Variants in MERTK observed in about 807,000 individuals in gnomAD.
The protein encoded by MERTK is tyrosine-protein kinase Mer.
Under a neutral mutation model 99.3 loss-of-function variants are expected in MERTK, and 69 were observed. That is an observed-to-expected ratio of 0.70 (90% CI 0.57 to 0.85). MERTK has a LOEUF of 0.85. Among genes scored for constraint, MERTK ranks in the 40% least tolerant of loss-of-function variants. The pLI, the probability that MERTK is intolerant of heterozygous loss-of-function variation, is 0.00. For synonymous variants in MERTK, 426 were observed against 467.6 expected (o/e 0.91, Z 1.15); for missense variants, 1,125 against 1,249.4 (o/e 0.90, Z 1.50).
At chr2:111,937,514 C>T (rs1197199529) in intron 2 of MERTK, among the ~76,000 whole-genome samples, 1 of 152,144 alleles carries the variant, frequency 6.6e-6, no homozygotes, top group African/African-American at 2.4e-5. Flanking sequence ...GGGCCCCCAT[C>T]TCCATGCATC....
At chr2:111,954,627 G>A (rs993937641) in intron 4 of MERTK, among the ~76,000 whole-genome samples, 2 of 152,182 alleles carry the variant, frequency 1.3e-5, no homozygotes, top group Non-Finnish European at 2.9e-5. Context: ...TGATAATGAA[G>A]TAACTTGTAT....
At position 111,954,622 on chromosome 2, in the gene MERTK, A is replaced by G. The variant is rs144415541; in HGVS notation, c.757+7055A>G. On this transcript the variant is annotated intron_variant, in intron 4 of 18. Coordinates refer to ENST00000295408, the MANE Select transcript of MERTK (RefSeq NM_006343.3). ...ACTGGGACAAAGGGACATCATGATA[A>G]TGAAGTAACTTGTATTTATAAAATT... Among the ~76,000 whole-genome samples the G allele has an allele frequency of 2.3e-3, 346 of 152,348 alleles. 2 individuals are homozygous for G. Among genetic ancestry groups the G allele is most frequent in the African/African-American group, 8.1e-3 (335 of 41,562 alleles).
chr2:112,002,240 C>A (rs2104406034), intron 11 of MERTK, among the ~76,000 whole-genome samples: 1 of 152,084 alleles, frequency 6.6e-6, no homozygotes, highest in South Asian at 2.1e-4. Context: ...ATAGAAAAAT[C>A]TTTTTCTCCA....
At chr2:111,979,205 C>T (rs1283898127) in intron 7 of MERTK, among the ~76,000 whole-genome samples, 2 of 152,074 alleles carry the variant, frequency 1.3e-5, no homozygotes. Flanking sequence ...AAAATGTATA[C>T]ATAAAAAGTA....
chr2:111,997,174 A>G (rs773044071), intron 9 of MERTK, 149 bp from the exon 10 acceptor site: 1 of 922,454 alleles, frequency 1.1e-6, no homozygotes, highest in Non-Finnish European at 1.8e-6. Context: ...GCATGGTCTC[A>G]GCTTACACAA....
chr2:111,975,279 C>A lies in MERTK; in HGVS notation c.961-10C>A. 1 of 1,614,128 alleles carries A rather than the reference C, an allele frequency of 6.2e-7. No homozygotes were observed. Among genetic ancestry groups the A allele is most frequent in the South Asian group, 1.1e-5 (1 of 91,070 alleles). On this transcript the variant is annotated splice_polypyrimidine_tract_variant and intron_variant, in intron 6 of 18. Transcript: ENST00000295408. Reference sequence around the variant, plus strand: ...CTAATGCCCGGTCCTCATGTTTACTCTTCGTTTAGGTCAAGGAAGCTGATC... The same window carrying A: ...CTAATGCCCGGTCCTCATGTTTACTATTCGTTTAGGTCAAGGAAGCTGATC...
At chr2:111,904,910 C>A (rs902069485) in intron 1 of MERTK, among the ~76,000 whole-genome samples, 2 of 152,152 alleles carry the variant, frequency 1.3e-5, no homozygotes, top group African/African-American at 2.4e-5. Flanking sequence ...GGGAGGGAGC[C>A]CTGATTACTC....
At chr2:111,919,495 G>A (rs1449651668) in intron 1 of MERTK, among the ~76,000 whole-genome samples, 2 of 152,176 alleles carry the variant, frequency 1.3e-5, no homozygotes, top group Non-Finnish European at 2.9e-5. Flanking sequence ...TAGTGGGAGA[G>A]TTGGAAGAAG....
At chr2:111,933,222 C>G (rs1293144982) in intron 2 of MERTK, among the ~76,000 whole-genome samples, 1 of 152,184 alleles carries the variant, frequency 6.6e-6, no homozygotes, top group Non-Finnish European at 1.5e-5. Context: ...GTGAGCTAGT[C>G]TTACTTAAAC....
chr2:111,902,224 C>T (rs1056819315), intron 1 of MERTK, among the ~76,000 whole-genome samples: 2 of 152,154 alleles, frequency 1.3e-5, no homozygotes, highest in Admixed American at 1.3e-4. Flanking sequence ...GAAATAATTT[C>T]CAGATAATTG....
intron 2 of MERTK, among the ~76,000 whole-genome samples, chr2:111,933,927 G>C (rs535843781): frequency 1.2e-4 from 17 of 138,504 alleles, no homozygotes; most frequent in African/African-American, 3.9e-4. Context: ...GTGTCCACGT[G>C]TTCTCATTGG....
intron 1 of MERTK, among the ~76,000 whole-genome samples, chr2:111,902,951 G>A (rs540442579): frequency 6.6e-6 from 1 of 152,236 alleles, no homozygotes; most frequent in East Asian, 1.9e-4. Flanking sequence ...GCTAATTTTT[G>A]TATTTTTAGT....
chr2:111,957,763 G>A (rs1329780180), intron 4 of MERTK, among the ~76,000 whole-genome samples: 1 of 152,132 alleles, frequency 6.6e-6, no homozygotes, highest in African/African-American at 2.4e-5. Context: ...TCCAAGTTAA[G>A]AAGCTACCTC....
intron 7 of MERTK, 54 bp from the exon 8 acceptor site, chr2:111,982,788 A>G (rs752091004): frequency 5.6e-5 from 88 of 1,584,130 alleles, no homozygotes; most frequent in South Asian, 1.2e-4. Context: ...AGATGAGAAT[A>G]CATCTGTGTG....
intron 15 of MERTK, among the ~76,000 whole-genome samples, chr2:112,017,796 A>G (rs1677248975): frequency 2.0e-5 from 3 of 152,190 alleles, no homozygotes; most frequent in Non-Finnish European, 4.4e-5. Context: ...TCACATGGCA[A>G]CAGCAAAGCA....
chr2:111,987,397 C>G (rs1676503087), intron 8 of MERTK, among the ~76,000 whole-genome samples: 1 of 152,150 alleles, frequency 6.6e-6, no homozygotes, highest in Non-Finnish European at 1.5e-5. Flanking sequence ...CGATTCCTTG[C>G]CTTCCAAATC....
chr2:111,950,710 C>T (rs1685039142), intron 4 of MERTK, among the ~76,000 whole-genome samples: 2 of 152,190 alleles, frequency 1.3e-5, no homozygotes, highest in South Asian at 2.1e-4. Flanking sequence ...GCTTATTAAT[C>T]AGTCATGTCT....
intron 8 of MERTK, among the ~76,000 whole-genome samples, chr2:111,989,339 C>T (rs990234028): frequency 1.3e-5 from 2 of 150,378 alleles, no homozygotes; most frequent in East Asian, 1.9e-4. Flanking sequence ...AATACAGTTA[C>T]GAGTTATAGG....
intron 18 of MERTK, 35 bp downstream of exon 18, chr2:112,022,429 G>T (rs765838012): frequency 1.2e-6 from 2 of 1,613,958 alleles, no homozygotes; most frequent in African/African-American, 2.7e-5. Context: ...TCCATACTCT[G>T]CATGGGGCAG....
Sources: allele counts gnomAD v4.1 joint callset (sites outside exome capture counted in the v4.1 genomes callset), GRCh38; gene constraint gnomAD v4.1.1; transcripts MANE v1.5; gene names NCBI Gene and HGNC (gene_info 2026-07-23, HGNC 2026-07-21).